The following DIS3L2 variants were observed in gnomAD, a reference collection of about 807,000 sequenced individuals.
The protein encoded by DIS3L2 is DIS3 like 3'-5' exoribonuclease 2.
DIS3L2 carries 34 observed loss-of-function variants against 97.5 expected under a neutral mutation model. The ratio of observed to expected loss-of-function variants is 0.35; its 90% CI spans 0.27 to 0.46. The LOEUF is 0.46. DIS3L2 is among the 20% of genes least tolerant of loss of function. The pLI, the probability that DIS3L2 is intolerant of heterozygous loss-of-function variation, is 1.00. For synonymous variants in DIS3L2, 435 were observed against 445.2 expected, an observed-to-expected ratio of 0.98 and a Z score of 0.29; for missense variants, 1,038 against 1,146.0, an observed-to-expected ratio of 0.91 and a Z score of 1.36.
intron 9 of DIS3L2, among the ~76,000 whole-genome samples, chr2:232,194,109 CAAAAGA>C (rs1037029675): frequency 8.7e-5 from 13 of 149,510 alleles, no homozygotes; most frequent in African/African-American, 2.5e-4. Flanking sequence ...GACTCTGTCT[CAAAAGA>C]AAAAGAAAAA....
intron 3 of DIS3L2, 113 bp from the exon 4 acceptor site, chr2:232,024,164 T>A: frequency 1.5e-6 from 1 of 688,390 alleles, no homozygotes; most frequent in Non-Finnish European, 2.5e-6. Context: ...ACATCTAACT[T>A]GTTTTCTCAA....
intron 5 of DIS3L2, among the ~76,000 whole-genome samples, chr2:232,043,230 A>G (rs1169641856): frequency 2.6e-5 from 4 of 152,142 alleles, no homozygotes; most frequent in East Asian, 3.8e-4. Context: ...TGGATGGAAC[A>G]TAGACCATCA....
chr2:231,998,961 A>G (rs1693802068), intron 1 of DIS3L2, among the ~76,000 whole-genome samples: 1 of 152,144 alleles, frequency 6.6e-6, no homozygotes, highest in Non-Finnish European at 1.5e-5. Context: ...ACATGTCCTC[A>G]TCATTTTTTG....
At chr2:232,056,919 A>ATGCC (rs1363967821) in intron 5 of DIS3L2, among the ~76,000 whole-genome samples, 1 of 152,190 alleles carries the variant, frequency 6.6e-6, no homozygotes, top group African/African-American at 2.4e-5. Context: ...TCCCAGGTAT[A>ATGCC]TGCCCAACAG....
At chr2:232,193,488 A>G (rs1691669903) in intron 9 of DIS3L2, among the ~76,000 whole-genome samples, 1 of 152,218 alleles carries the variant, frequency 6.6e-6, no homozygotes, top group Non-Finnish European at 1.5e-5. Context: ...GCTTGATAAA[A>G]TATTGCCCCT....
At chr2:232,049,635 TG>T (rs768239650) in intron 5 of DIS3L2, among the ~76,000 whole-genome samples, 61 of 152,332 alleles carry the variant, frequency 4.0e-4, no homozygotes, top group Non-Finnish European at 7.5e-4. Context: ...AGGGAAAACC[TG>T]AGACACAGGT....
chr2:232,136,448 T>C (rs1698360383), intron 7 of DIS3L2, 24 bp from the exon 8 acceptor site: 1 of 1,611,794 alleles, frequency 6.2e-7, no homozygotes, highest in Non-Finnish European at 8.5e-7. Flanking sequence ...TAAACAACAT[T>C]GACTATATCT....
At chr2:232,263,554 AC>A in intron 13 of DIS3L2, 114 bp downstream of exon 13, 1 of 1,019,148 alleles carries the variant, frequency 9.8e-7, no homozygotes, top group Non-Finnish European at 1.5e-6. Context: ...TGCTCCAGGC[AC>A]CACACTAAAA....
In DIS3L2 at chr2:232,281,296, G is replaced by A. The variant is rs1292268446; in HGVS notation, c.1659+17856G>A. ...CGCCTGTGGTCCCAGCTATTTGGGA[G>A]GCTGAGGCAGGAGAAGGGCGTGAAC... On this transcript the variant is annotated intron_variant, in intron 13 of 20. Coordinates refer to ENST00000325385, the MANE Select transcript of DIS3L2 (RefSeq NM_152383.5). This position sits in a 1 kb window ranked among gnomAD's most constrained non-coding sequence, Gnocchi z 4.1. Among the ~76,000 whole-genome samples, 1 of 152,202 alleles carries A rather than the reference G, an allele frequency of 6.6e-6. No homozygotes were observed. The highest frequency in any genetic ancestry group is 6.5e-5 in the Admixed American group (1 of 15,282).
intron 7 of DIS3L2, among the ~76,000 whole-genome samples, chr2:232,134,840 AGT>A (rs1343204964): frequency 6.6e-6 from 1 of 151,990 alleles, no homozygotes; most frequent in African/African-American, 2.4e-5. Flanking sequence ...GAAAAAAAAA[AGT>A]GTGCATGTGG....
At chr2:232,233,399 T>C (rs1692849960) in intron 10 of DIS3L2, among the ~76,000 whole-genome samples, 1 of 152,214 alleles carries the variant, frequency 6.6e-6, no homozygotes, top group South Asian at 2.1e-4. Context: ...TATAAGGCAC[T>C]AATCCTATTT....
chr2:232,333,200 T>A (rs1015619622), intron 16 of DIS3L2, among the ~76,000 whole-genome samples: 2 of 66,764 alleles, frequency 3.0e-5, no homozygotes, highest in African/African-American at 1.2e-4. Flanking sequence ...CTCCTCCTCC[T>A]CCTCCTCCTC....
chr2:232,158,332 T>TGC (rs1210552538), intron 8 of DIS3L2, among the ~76,000 whole-genome samples: 1 of 151,974 alleles, frequency 6.6e-6, no homozygotes, highest in Non-Finnish European at 1.5e-5. Context: ...TGTGTGTGTG[T>TGC]GTGCATGTGT....
chr2:232,205,144 A>G (rs1312446950), intron 9 of DIS3L2, among the ~76,000 whole-genome samples: 3 of 151,416 alleles, frequency 2.0e-5, no homozygotes, highest in East Asian at 1.9e-4. Context: ...GAATGTTGTA[A>G]TCTCTCAATA....
chr2:232,080,636 C>G (rs1245698485), intron 5 of DIS3L2, among the ~76,000 whole-genome samples: 2 of 151,890 alleles, frequency 1.3e-5, no homozygotes, highest in Non-Finnish European at 2.9e-5. Flanking sequence ...CATGGTGGCT[C>G]AAACCTGTAA....
intron 9 of DIS3L2, among the ~76,000 whole-genome samples, chr2:232,185,539 A>G (rs898608442): frequency 1.3e-5 from 2 of 152,232 alleles, no homozygotes; most frequent in Admixed American, 6.5e-5. Flanking sequence ...AGGAATTTAG[A>G]TAAAGAAGAG....
chr2:232,101,654 T>G (rs1357662540), intron 6 of DIS3L2, among the ~76,000 whole-genome samples: 1 of 152,242 alleles, frequency 6.6e-6, no homozygotes, highest in Non-Finnish European at 1.5e-5. Context: ...AAGTATACTT[T>G]AAGATCATTC....
chr2:232,132,956 C>T (rs1698261034), intron 7 of DIS3L2, among the ~76,000 whole-genome samples: 1 of 152,150 alleles, frequency 6.6e-6, no homozygotes, highest in Non-Finnish European at 1.5e-5. Flanking sequence ...GTATGGGAAG[C>T]CCCTGTGTTC....
rs1694643527 is a variant in DIS3L2 at position 232,293,090 on chromosome 2, G to T, written c.1660-6950G>T. On this transcript the variant is annotated intron_variant, in intron 13 of 20. Coordinates refer to ENST00000325385, the MANE Select transcript of DIS3L2 (RefSeq NM_152383.5). The surrounding 1 kb of genome is among the most constrained non-coding windows in gnomAD (Gnocchi z 4.6). ...GGTGGTCCCTGCAGGTGGTGATTAG[G>T]GCCAGAGCGCTGCTGCTGCCTGGTT... Among the ~76,000 whole-genome samples, 1 of 152,016 alleles carries T rather than the reference G, an allele frequency of 6.6e-6. No individual in the cohort carries two copies. The highest frequency in any genetic ancestry group is 6.6e-5 in the Admixed American group (1 of 15,266).
Sources: gnomAD v4.1 joint callset for allele counts (sites outside exome capture counted in the v4.1 genomes callset) on GRCh38, gnomAD v4.1.1 for gene constraint, Gnocchi (gnomAD v3.1) non-coding constraint, MANE v1.5 for transcripts, NCBI Gene and HGNC (gene_info 2026-07-23, HGNC 2026-07-21) for gene names.